RNF123: variants seen among roughly 807,000 people sequenced by gnomAD.
The protein encoded by RNF123 is E3 ubiquitin-protein ligase RNF123.
In RNF123, 86 loss-of-function variants were observed where a neutral mutation model predicts 168.5. That is an observed-to-expected ratio of 0.51 (90% CI 0.43 to 0.61). The LOEUF is 0.61. Among genes scored for constraint, RNF123 ranks in the 20% least tolerant of loss-of-function variants. The pLI, the probability that RNF123 is intolerant of heterozygous loss-of-function variation, is 0.00. For synonymous variants in RNF123, 666 were observed against 689.1 expected (o/e 0.97, Z 0.52); for missense variants, 1,419 against 1,729.7 (o/e 0.82, Z 3.19).
At position 49,715,927 on chromosome 3, in the gene RNF123, G is replaced by C; in HGVS notation, c.3256G>C (p.Glu1086Gln). 1 of 1,614,068 alleles carries C rather than the reference G, an allele frequency of 6.2e-7. No individual in the cohort carries two copies. The highest frequency in any genetic ancestry group is 8.5e-7 in the Non-Finnish European group (1 of 1,180,042). The change falls in exon 33 of 39, where the codon GAG becomes CAG. Residue 1086 changes from glutamate (E) to glutamine (Q), a missense_variant. Around this residue, in one of 5 missense-constraint regions of RNF123, gnomAD observed 538 missense variants for 708.8 expected, o/e 0.76. Transcript: ENST00000327697. Reference protein sequence around the residue: ...DLSVSLLRVLEMTITLVPEIF... With the variant: ...DLSVSLLRVLQMTITLVPEIF... Reference sequence around the variant, plus strand: ...CTCGGTCAGCCTGCTGCGTGTCTTGGAGATGACTATCACACTGGTGCCTGA... The same window carrying C: ...CTCGGTCAGCCTGCTGCGTGTCTTGCAGATGACTATCACACTGGTGCCTGA...
chr3:49,720,593 C>G lies in RNF123; in HGVS notation c.3583C>G (p.Pro1195Ala). Residue 1195 changes from proline (P) to alanine (A), a missense_variant, in exon 36 of 39, where the codon CCC becomes GCC. Physicochemically the swap from Pro to Ala is conservative, Grantham distance 27. Coordinates refer to ENST00000327697, the MANE Select transcript of RNF123 (RefSeq NM_022064.5). ...ATGCTATCTCCTGGGACAGCCAGAG[C>G]CCCCAGCACCTGGCACTGCTCTGCC... ...SICYLLGQPE[P>A]PAPGTALPAP... 6.2e-7 allele frequency: 1 copy of G among 1,611,198 alleles called. No homozygotes were observed. The highest frequency in any genetic ancestry group is 8.5e-7 in the Non-Finnish European group (1 of 1,178,316).
chr3:49,701,955 G>T, intron 17 of RNF123, 45 bp downstream of exon 17: 1 of 1,549,836 alleles, frequency 6.5e-7, no homozygotes, highest in Non-Finnish European at 8.7e-7. Flanking sequence ...GTGTGTGTGT[G>T]CACATGAGGG....
In RNF123 at chr3:49,697,490, C is replaced by T. The variant is rs770914185; in HGVS notation, c.342+33C>T. 7 of 1,512,548 alleles carry T rather than the reference C, an allele frequency of 4.6e-6. No individual in the cohort carries two copies. In the East Asian group the frequency reaches 1.6e-4, roughly 34 times the overall value. 93.7% of individuals were successfully genotyped at this position (1,512,548 alleles called of 1,614,324 possible). ...AGGGTGAGGTGTGGAGACCCAGGTC[C>T]AGCCCCTTCTGACATAGCCCCAGGC... On this transcript the variant is annotated intron_variant, in intron 5 of 38. Transcript: ENST00000327697.
At chr3:49,715,004 G>A (rs1325007041) in intron 31 of RNF123, among the ~76,000 whole-genome samples, 4 of 152,238 alleles carry the variant, frequency 2.6e-5, no homozygotes, top group South Asian at 4.1e-4. Context: ...CTGCTGCTGC[G>A]GGAACTATTG....
chr3:49,715,368 G>GGCTT, intron 31 of RNF123: 1 of 623,172 alleles, frequency 1.6e-6, no homozygotes. Flanking sequence ...TGCAGCCTGG[G>GGCTT]GCTTGCCTAG....
intron 19 of RNF123, 91 bp from the exon 20 acceptor site, chr3:49,702,542 T>A: frequency 6.2e-7 from 1 of 1,610,052 alleles, no homozygotes. Context: ...CCCTCCCTGC[T>A]TAACCCTCGA....
chr3:49,714,267 C>G, intron 31 of RNF123, 93 bp downstream of exon 31: 4 of 1,161,300 alleles, frequency 3.4e-6, no homozygotes, highest in Non-Finnish European at 5.1e-6. Context: ...CTTCTTCCAG[C>G]CCCTCTCTGG....
chr3:49,720,402 AG>A (rs1017623961), intron 35 of RNF123, 108 bp from the exon 36 acceptor site: 41 of 1,125,236 alleles, frequency 3.6e-5, no homozygotes, highest in Middle Eastern at 2.2e-4. Flanking sequence ...GAAAGGATGC[AG>A]GGGGGGTGAT....
At position 49,700,306 on chromosome 3, in the gene RNF123, A is replaced by G. The variant is rs1328478373; in HGVS notation, c.1064A>G (p.Gln355Arg). 2.5e-6 allele frequency: 4 copies of G among 1,614,250 alleles called. No individual in the cohort carries two copies. Among genetic ancestry groups the G allele is most frequent in the Non-Finnish European group, 3.4e-6 (4 of 1,180,034 alleles). The change falls in exon 13 of 39, where the codon CAG becomes CGG. Residue 355 changes from glutamine (Q) to arginine (R), a missense_variant. Coordinates refer to ENST00000327697, the MANE Select transcript of RNF123 (RefSeq NM_022064.5). Reference protein sequence around the residue: ...IVEKGTPTQAQSVVHQVLDLL... With the variant: ...IVEKGTPTQARSVVHQVLDLL... ...GAGAAGGGCACACCCACACAGGCAC[A>G]GTCCGTGGTGCACCAGGTCCTGGAC...
intron 3 of RNF123, among the ~76,000 whole-genome samples, chr3:49,696,882 G>T (rs1166726512): frequency 7.1e-6 from 1 of 139,954 alleles, no homozygotes; most frequent in Non-Finnish European, 1.5e-5. Flanking sequence ...CTGACCTCAG[G>T]TGATCTGCCC....
chr3:49,714,607 C>T (rs2080205049), intron 31 of RNF123, among the ~76,000 whole-genome samples: 1 of 152,220 alleles, frequency 6.6e-6, no homozygotes, highest in South Asian at 2.1e-4. Flanking sequence ...TGGCTTAGGC[C>T]TTGGACACCT....
rs768169627 is a variant in RNF123, at chr3:49,698,765, C to T, written c.581C>T (p.Ala194Val). 4 of 1,613,616 alleles carry T rather than the reference C, an allele frequency of 2.5e-6. No individual in the cohort carries two copies. The highest frequency in any genetic ancestry group is 3.4e-6 in the Non-Finnish European group (4 of 1,179,856). Reference sequence around the variant, plus strand: ...CTCCTCTCATGGCAGGCGTGGGCAGCGGGGGACATCGTGAGCTGCCTGATT... The same window carrying T: ...CTCCTCTCATGGCAGGCGTGGGCAGTGGGGGACATCGTGAGCTGCCTGATT... ...TTTNYGKAWA[A>V]GDIVSCLIDL... is the part of the protein sequence containing the mutation. Residue 194 changes from alanine to valine, a missense_variant, in exon 9 of 39, where the codon GCG becomes GTG. By Grantham distance (64) the Ala-to-Val change is moderately conservative. Transcript: ENST00000327697.
chr3:49,689,857 G>T (rs1295945613), intron 1 of RNF123: 1 of 152,246 alleles, frequency 6.6e-6, no homozygotes, highest in African/African-American at 2.4e-5. Flanking sequence ...ACCCCGGCGG[G>T]GTTGGACGGG....
rs756518698 is a variant in RNF123, at chr3:49,698,651, C to T, written c.571-104C>T. On this transcript the variant is annotated intron_variant, in intron 8 of 38. Transcript: ENST00000327697. Reference sequence around the variant, plus strand: ...GGGTCAGGGACCCAGGTCCTTTGTCCTTGTGGCTAGTCTCCCTTGGGTGGT... The same window carrying T: ...GGGTCAGGGACCCAGGTCCTTTGTCTTTGTGGCTAGTCTCCCTTGGGTGGT... 1.0e-4 allele frequency: 156 copies of T among 1,538,696 alleles called. 1 individual carries two copies. In the Middle Eastern group the frequency reaches 1.0e-3, roughly 10 times the overall value.
chr3:49,716,683 G>A (rs1575541053), intron 35 of RNF123, among the ~76,000 whole-genome samples: 1 of 152,182 alleles, frequency 6.6e-6, no homozygotes, highest in South Asian at 2.1e-4. Flanking sequence ...TGGGACCCCA[G>A]CAGGACAGGT....
chr3:49,703,830 C>T (rs926068770), intron 21 of RNF123, among the ~76,000 whole-genome samples: 26 of 152,290 alleles, frequency 1.7e-4, no homozygotes, highest in South Asian at 1.5e-3. Context: ...CAAGCTGCCC[C>T]GGTGCAGGGC....
At chr3:49,703,632 G>A (rs745798065) in intron 21 of RNF123, 104 bp downstream of exon 21, 3 of 880,540 alleles carry the variant, frequency 3.4e-6, no homozygotes, top group Non-Finnish European at 5.3e-6. Context: ...GCCACCAGAG[G>A]GTGCCCAAGT....
At position 49,714,094 on chromosome 3, in the gene RNF123, G is replaced by A. The variant is rs1345549788; in HGVS notation, c.2930G>A (p.Cys977Tyr). The A allele has an allele frequency of 6.2e-7, 1 of 1,613,986 alleles. No individual in the cohort carries two copies. Among genetic ancestry groups the A allele is most frequent in the East Asian group, 2.2e-5 (1 of 44,902 alleles). Residue 977 changes from cysteine (C) to tyrosine (Y), a missense_variant, in exon 31 of 39, where the codon TGT becomes TAT. Transcript: ENST00000327697. ...NWILVRLWRG[C>Y]GFGYRYTRLP... ...CACTGACCCCCACCTCCACAGGGCTGTGGCTTCGGGTACCGCTATACACGG... is the reference window on the plus strand; with the variant it reads ...CACTGACCCCCACCTCCACAGGGCTATGGCTTCGGGTACCGCTATACACGG...
At chr3:49,719,074 C>T (rs2080323107) in intron 35 of RNF123, 1 of 1,613,704 alleles carries the variant, frequency 6.2e-7, no homozygotes, top group Non-Finnish European at 8.5e-7. Flanking sequence ...CGCCCCCAGC[C>T]CGTCGAGGTC....
Sources: allele counts gnomAD v4.1 joint callset (sites outside exome capture counted in the v4.1 genomes callset), GRCh38; gene constraint gnomAD v4.1.1; regional missense constraint gnomAD v4.1.1; transcripts MANE v1.5; gene names NCBI Gene and HGNC (gene_info 2026-07-23, HGNC 2026-07-21).